Variants in PLXNB2 observed in about 807,000 individuals in gnomAD.
The protein encoded by PLXNB2 is plexin B2, also known as plexin-B2.
PLXNB2 carries 85 observed loss-of-function variants against 202.6 expected under a neutral mutation model. The ratio of observed to expected loss-of-function variants is 0.42; its 90% CI spans 0.35 to 0.50. PLXNB2 has a LOEUF of 0.50. Among genes scored for constraint, PLXNB2 ranks in the 20% least tolerant of loss-of-function variants. PLXNB2 has a pLI of 0.02. For missense variants in PLXNB2, 2,063 were observed against 2,586.2 expected (o/e 0.80, Z 4.39); for synonymous variants, 1,239 against 1,137.6 (o/e 1.09, Z -1.79).
At chr22:50,276,580 G>T in intron 35 of PLXNB2, 49 bp downstream of exon 35, 3 of 1,436,582 alleles carry the variant, frequency 2.1e-6, no homozygotes, top group Non-Finnish European at 2.9e-6. Context: ...TCAGCATGGG[G>T]TAGTGGGAGC....
At chr22:50,286,738 T>G (rs1008609836) in intron 8 of PLXNB2, among the ~76,000 whole-genome samples, 20 of 152,174 alleles carry the variant, frequency 1.3e-4, no homozygotes, top group African/African-American at 4.6e-4. Flanking sequence ...TGCGAGGCCC[T>G]GCAGCCTCTG....
At position 50,291,852 on chromosome 22, in the gene PLXNB2, G is replaced by T. The variant is rs1353002113; in HGVS notation, c.-13-1255C>A. On this transcript the variant is annotated intron_variant, in intron 2 of 36. Coordinates refer to ENST00000359337, the MANE Select transcript of PLXNB2 (RefSeq NM_012401.4). The surrounding 1 kb of genome is among the most constrained non-coding windows in gnomAD (Gnocchi z 4.3). ...CAGGTGTCCAGGGCAGCCCTGCCAT[G>T]GCAGGTGCCAAGGGGGTCCAGACTC... Among the ~76,000 whole-genome samples, 3 of 152,140 alleles carry T rather than the reference G, an allele frequency of 2.0e-5. No individual in the cohort carries two copies. Among genetic ancestry groups the T allele is most frequent in the African/African-American group, 7.2e-5 (3 of 41,426 alleles).
chr22:50,301,128 C>T (rs1377661582), intron 1 of PLXNB2, among the ~76,000 whole-genome samples: 1 of 152,204 alleles, frequency 6.6e-6, no homozygotes, highest in African/African-American at 2.4e-5. Context: ...ACTGGCGCAT[C>T]TGGAGGATGG....
At chr22:50,280,112 T>C (rs1474297851) in intron 25 of PLXNB2, 41 bp from the exon 26 acceptor site, 2 of 1,500,672 alleles carry the variant, frequency 1.3e-6, no homozygotes, top group Non-Finnish European at 1.8e-6. Context: ...GACCCCGTAG[T>C]ATTCCTGAGG....
In PLXNB2 at chr22:50,284,367, G is replaced by A; in HGVS notation, c.2182-154C>T. Reference sequence around the variant, plus strand: ...GGTGTCGGAAGTTCGGGAACCCCATGGACGCTGCTCTGTGCCACTCTGTCC... The same window carrying A: ...GGTGTCGGAAGTTCGGGAACCCCATAGACGCTGCTCTGTGCCACTCTGTCC... On this transcript the variant is annotated intron_variant, in intron 12 of 36. Coordinates refer to ENST00000359337, the MANE Select transcript of PLXNB2 (RefSeq NM_012401.4). This position sits in a 1 kb window ranked among gnomAD's most constrained non-coding sequence, Gnocchi z 8.0. The A allele has an allele frequency of 1.3e-6, 1 of 774,670 alleles. No individual in the cohort carries two copies. Among genetic ancestry groups the A allele is most frequent in the Non-Finnish European group, 2.2e-6 (1 of 461,090 alleles). The allele number at this position is 774,670 out of a possible 1,614,324, so 48.0% of individuals were successfully genotyped here. A position where few individuals can be genotyped will look rare whatever the true frequency, so the allele number is the denominator to read the frequency against.
At position 50,307,541 on chromosome 22, in the gene PLXNB2, CG is replaced by C; in HGVS notation, c.-74+11del. On this transcript the variant is annotated intron_variant, in intron 1 of 36. Coordinates refer to ENST00000359337, the MANE Select transcript of PLXNB2 (RefSeq NM_012401.4). ...AGACGTCCCCCGCAGCCCAGTCCCC[CG>C]AGCTCGGTACCTGCACGTCCGCCGC... The C allele has an allele frequency of 1.0e-6, 1 of 981,486 alleles. No individual in the cohort carries two copies. The highest frequency in any genetic ancestry group is 1.2e-6 in the Non-Finnish European group (1 of 828,032). 60.8% of individuals were successfully genotyped at this position (981,486 alleles called of 1,614,324 possible).
intron 35 of PLXNB2, among the ~76,000 whole-genome samples, chr22:50,276,324 AGGG>A (rs1569154786): frequency 1.4e-5 from 2 of 144,658 alleles, no homozygotes; most frequent in Admixed American, 6.8e-5. Flanking sequence ...ATGGAGCCGC[AGGG>A]AGGGGGCGCT....
chr22:50,298,892 C>A (rs966759588), intron 1 of PLXNB2, among the ~76,000 whole-genome samples: 1 of 152,250 alleles, frequency 6.6e-6, no homozygotes, highest in African/African-American at 2.4e-5. Flanking sequence ...GCAATCCACC[C>A]GCCTTGGCCT....
rs769569649 is a variant in PLXNB2, at chr22:50,282,094, C to T, written c.3118-13G>A. 1.2e-6 allele frequency: 2 copies of T among 1,608,206 alleles called. No homozygotes were observed. The highest frequency in any genetic ancestry group is 3.3e-5 in the Admixed American group (2 of 59,872). ...CTGTACCCACCACCTGCAGGCAAGT[C>T]CCAGCTGTCAGCCCCCGGGCGCAGA... On this transcript the variant is annotated splice_polypyrimidine_tract_variant and intron_variant, in intron 19 of 36. Coordinates refer to ENST00000359337, the MANE Select transcript of PLXNB2 (RefSeq NM_012401.4).
chr22:50,296,479 G>A (rs992120154), intron 1 of PLXNB2, among the ~76,000 whole-genome samples: 5 of 149,846 alleles, frequency 3.3e-5, no homozygotes, highest in Non-Finnish European at 7.4e-5. Context: ...GGTGGCTCAC[G>A]CCTGTAATCC....
In PLXNB2 at chr22:50,281,070, G is replaced by A; in HGVS notation, c.3763+19C>T. 7 of 1,608,078 alleles carry A rather than the reference G, an allele frequency of 4.4e-6. No homozygotes were observed. The highest frequency in any genetic ancestry group is 6.0e-6 in the Non-Finnish European group (7 of 1,175,644). Reference sequence around the variant, plus strand: ...CGCCCCAGGAGGCGCCCCAGCACCAGCCCCCAAGCGGTCCCTACCTGTGAA... The same window carrying A: ...CGCCCCAGGAGGCGCCCCAGCACCAACCCCCAAGCGGTCCCTACCTGTGAA... On this transcript the variant is annotated intron_variant, in intron 23 of 36. Coordinates refer to ENST00000359337, the MANE Select transcript of PLXNB2 (RefSeq NM_012401.4).
rs970080586 is a variant in PLXNB2 at position 50,288,567 on chromosome 22, C to A, written c.1380+176G>T. Among the ~76,000 whole-genome samples the A allele has an allele frequency of 1.3e-5, 2 of 152,200 alleles. No homozygotes were observed. The highest frequency in any genetic ancestry group is 3.4e-3 in the Middle Eastern group (1 of 294). On this transcript the variant is annotated intron_variant, in intron 5 of 36. Coordinates refer to ENST00000359337, the MANE Select transcript of PLXNB2 (RefSeq NM_012401.4). This position sits in a 1 kb window ranked among gnomAD's most constrained non-coding sequence, Gnocchi z 5.0. ...GAGACGGGGCAGTGCTAGAGAGACA[C>A]AGGATGGAGGCACTGCCCGGGACCC...
At chr22:50,295,775 G>A (rs911707764) in intron 1 of PLXNB2, among the ~76,000 whole-genome samples, 3 of 152,130 alleles carry the variant, frequency 2.0e-5, no homozygotes, top group Non-Finnish European at 2.9e-5. Flanking sequence ...CCATCTCTGA[G>A]AGGCTCCAGA....
At chr22:50,285,202 A>G (rs147988804) in intron 11 of PLXNB2, among the ~76,000 whole-genome samples, 3,276 of 101,988 alleles carry the variant, frequency 0.032, 60 homozygotes, top group Middle Eastern at 0.051. Context: ...CCTGTCACCA[A>G]CCGGCACCCC....
chr22:50,278,292 G>A (rs942311329), intron 30 of PLXNB2, 21 bp from the exon 31 acceptor site: 4 of 1,609,926 alleles, frequency 2.5e-6, no homozygotes, highest in African/African-American at 2.7e-5. Context: ...CGGGCACTGA[G>A]GGACCCCTAC....
intron 1 of PLXNB2, among the ~76,000 whole-genome samples, chr22:50,295,264 T>C (rs1235265621): frequency 1.4e-5 from 2 of 141,904 alleles, no homozygotes; most frequent in African/African-American, 2.7e-5. Flanking sequence ...GAACTTGCAG[T>C]GAGCGGAGAT....
In PLXNB2 at chr22:50,282,539, C is replaced by G. The variant is rs1416017337; in HGVS notation, c.2987+172G>C. On this transcript the variant is annotated intron_variant, in intron 18 of 36. Transcript: ENST00000359337. ...GGTGAGCGTGGAGCCTCTGGTGTGCCCATCTGGGTTTCTAGGAGGAAGTGG... is the reference window on the plus strand; with the variant it reads ...GGTGAGCGTGGAGCCTCTGGTGTGCGCATCTGGGTTTCTAGGAGGAAGTGG... The G allele has an allele frequency of 9.0e-6, 6 of 668,874 alleles. No individual in the cohort carries two copies. In the East Asian group the frequency reaches 1.7e-4, roughly 19 times the overall value. 41.4% of individuals were successfully genotyped at this position (668,874 alleles called of 1,614,324 possible). A position where few individuals can be genotyped will look rare whatever the true frequency, so the allele number is the denominator to read the frequency against.
chr22:50,281,713 C>T lies in PLXNB2; in HGVS notation c.3375G>A (p.Leu1125=). The T allele has an allele frequency of 6.4e-7, 1 of 1,561,382 alleles. No individual in the cohort carries two copies. Among genetic ancestry groups the T allele is most frequent in the Non-Finnish European group, 8.7e-7 (1 of 1,151,716 alleles). The part of the protein sequence containing the change: ...RGTNLNKAMT[L]QEAEAFVGAE... ...CACCCACGAAGGCCTCGGCCTCCTG[C>T]AGCGTCATCGCCTTGTTCAGATTGG... The change falls in exon 21 of 37, where the codon CTG becomes CTA. Residue 1125 remains leucine (L), a synonymous_variant. Coordinates refer to ENST00000359337, the MANE Select transcript of PLXNB2 (RefSeq NM_012401.4).
chr22:50,288,220 G>A lies in PLXNB2; in HGVS notation c.1381-183C>T, dbSNP rs376190891. 6.6e-5 allele frequency among the ~76,000 whole-genome samples: 10 copies of A among 152,238 alleles called. No homozygotes were observed. Among genetic ancestry groups the A allele is most frequent in the African/African-American group, 1.9e-4 (8 of 41,546 alleles). On this transcript the variant is annotated intron_variant, in intron 5 of 36. Coordinates refer to ENST00000359337, the MANE Select transcript of PLXNB2 (RefSeq NM_012401.4). The surrounding 1 kb of genome is among the most constrained non-coding windows in gnomAD (Gnocchi z 5.0). ...GTGGCCATGCCTGGCCCAGGATCCC[G>A]ATGGGAGCCCAGGGAAGCCTGGAGG...
Sources: allele counts gnomAD v4.1 joint callset (sites outside exome capture counted in the v4.1 genomes callset), GRCh38; gene constraint gnomAD v4.1.1; non-coding constraint Gnocchi (gnomAD v3.1); transcripts MANE v1.5; gene names NCBI Gene and HGNC (gene_info 2026-07-23, HGNC 2026-07-21).